Variants in PTPRM observed in about 807,000 individuals in gnomAD.
PTPRM encodes receptor-type tyrosine-protein phosphatase mu.
PTPRM carries 47 observed loss-of-function variants against 186.7 expected under a neutral mutation model. The ratio of observed to expected loss-of-function variants is 0.25; its 90% CI spans 0.20 to 0.32. The LOEUF (loss-of-function observed/expected upper bound fraction) is 0.32, where lower values mean the gene tolerates loss of function less well. Ranked by LOEUF, PTPRM falls within the 10% of genes least tolerant of loss-of-function variation. The probability of loss-of-function intolerance (pLI) is 1.00; values close to 1 mark genes in which losing one functional copy is unlikely to be tolerated. For synonymous variants in PTPRM, 668 were observed against 674.9 expected, an observed-to-expected ratio of 0.99 and a Z score of 0.16; for missense variants, 1,494 against 1,865.0, an observed-to-expected ratio of 0.80 and a Z score of 3.66.
At chr18:7,688,104 C>A (rs1419717458) in intron 1 of PTPRM, among the ~76,000 whole-genome samples, 1 of 152,108 alleles carries the variant, frequency 6.6e-6, no homozygotes, top group African/African-American at 2.4e-5. Flanking sequence ...AAAACATTCT[C>A]TAGTCGTGCC....
intron 24 of PTPRM, among the ~76,000 whole-genome samples, chr18:8,373,389 C>A (rs1384655345): frequency 6.6e-6 from 1 of 152,154 alleles, no homozygotes; most frequent in Non-Finnish European, 1.5e-5. Flanking sequence ...TGATTGTTGT[C>A]TTTTATTTCC....
chr18:8,232,033 A>C (rs1416967587), intron 14 of PTPRM, among the ~76,000 whole-genome samples: 1 of 152,206 alleles, frequency 6.6e-6, no homozygotes, highest in East Asian at 1.9e-4. Context: ...TCATATAAAT[A>C]AGATCACAGC....
intron 31 of PTPRM, among the ~76,000 whole-genome samples, chr18:8,393,547 A>G (rs1183554518): frequency 6.6e-6 from 1 of 152,216 alleles, no homozygotes; most frequent in Non-Finnish European, 1.5e-5. Flanking sequence ...TCGTGGAGGA[A>G]CTAGTAAGAT....
intron 11 of PTPRM, among the ~76,000 whole-genome samples, chr18:8,091,752 G>T (rs1041138766): frequency 6.6e-6 from 1 of 152,052 alleles, no homozygotes; most frequent in Non-Finnish European, 1.5e-5. Context: ...ACTAAATAGG[G>T]CATATTAAAA....
At chr18:8,201,549 G>C (rs1403361693) in intron 14 of PTPRM, among the ~76,000 whole-genome samples, 5 of 152,242 alleles carry the variant, frequency 3.3e-5, no homozygotes, top group Non-Finnish European at 5.9e-5. Flanking sequence ...GATAGACTGG[G>C]TGGCTTAAAC....
intron 13 of PTPRM, among the ~76,000 whole-genome samples, chr18:8,117,715 A>G (rs2092010213): frequency 6.6e-6 from 1 of 152,168 alleles, no homozygotes; most frequent in Non-Finnish European, 1.5e-5. Flanking sequence ...CAAGTTAACT[A>G]TAGGCAAACT....
chr18:7,661,971 G>A (rs1390583826), intron 1 of PTPRM, among the ~76,000 whole-genome samples: 2 of 152,172 alleles, frequency 1.3e-5, no homozygotes, highest in East Asian at 3.9e-4. Flanking sequence ...AGACTGGAAT[G>A]CAGTGGTACA....
chr18:7,923,738 CAGGGGAG>C (rs2051006042), intron 4 of PTPRM, among the ~76,000 whole-genome samples: 1 of 152,172 alleles, frequency 6.6e-6, no homozygotes, highest in East Asian at 1.9e-4. Flanking sequence ...AACTCCCTTA[CAGGGGAG>C]TTAATGGCAA....
At chr18:7,745,152 G>A (rs1424731013) in intron 1 of PTPRM, among the ~76,000 whole-genome samples, 1 of 152,120 alleles carries the variant, frequency 6.6e-6, no homozygotes, top group African/African-American at 2.4e-5. Context: ...TAGAGTTGTT[G>A]CAAGGGTTAA....
intron 1 of PTPRM, among the ~76,000 whole-genome samples, chr18:7,616,319 C>A (rs55793264): frequency 0.04 from 6,162 of 152,154 alleles, 175 homozygotes; most frequent in South Asian, 0.12. Flanking sequence ...CCACCACACC[C>A]TGCTAATTTT....
intron 1 of PTPRM, among the ~76,000 whole-genome samples, chr18:7,717,362 AG>A (rs146262385): frequency 0.021 from 3,213 of 152,262 alleles, 49 homozygotes; most frequent in Middle Eastern, 0.041. Flanking sequence ...GTAACTTCGA[AG>A]AAGAATCAGA....
chr18:7,704,242 G>A (rs1439193015), intron 1 of PTPRM, among the ~76,000 whole-genome samples: 1 of 152,200 alleles, frequency 6.6e-6, no homozygotes, highest in Non-Finnish European at 1.5e-5. Context: ...GTTCCAGAAG[G>A]AATGGTACCA....
At chr18:7,960,277 C>T (rs1173218365) in intron 7 of PTPRM, among the ~76,000 whole-genome samples, 1 of 151,778 alleles carries the variant, frequency 6.6e-6, no homozygotes, top group Non-Finnish European at 1.5e-5. Context: ...CATTAATATA[C>T]CTAAAAATAT....
At chr18:8,219,078 G>A (rs2094123226) in intron 14 of PTPRM, among the ~76,000 whole-genome samples, 1 of 152,194 alleles carries the variant, frequency 6.6e-6, no homozygotes, top group Admixed American at 6.5e-5. Context: ...TAGCTTCAGT[G>A]TTTATGCAAG....
intron 1 of PTPRM, among the ~76,000 whole-genome samples, chr18:7,591,739 G>A (rs1412072046): frequency 6.6e-6 from 1 of 152,132 alleles, no homozygotes; most frequent in Non-Finnish European, 1.5e-5. Context: ...AACAATTTCA[G>A]GAAATATAAT....
chr18:8,175,459 C>T (rs989793211), intron 14 of PTPRM, among the ~76,000 whole-genome samples: 4 of 152,064 alleles, frequency 2.6e-5, no homozygotes, highest in African/African-American at 9.7e-5. Flanking sequence ...TGTATAATTA[C>T]TTTGTTTTTA....
chr18:8,285,269 C>T (rs1473680681), intron 19 of PTPRM, among the ~76,000 whole-genome samples: 1 of 152,132 alleles, frequency 6.6e-6, no homozygotes, highest in Non-Finnish European at 1.5e-5. Flanking sequence ...AAAGCAAATT[C>T]AGTAACCTAC....
intron 2 of PTPRM, among the ~76,000 whole-genome samples, chr18:7,822,989 C>T (rs2045283653): frequency 1.3e-5 from 2 of 152,242 alleles, no homozygotes; most frequent in South Asian, 4.1e-4. Flanking sequence ...TGGCCTCTGC[C>T]CACTAGATGT....
intron 22 of PTPRM, among the ~76,000 whole-genome samples, chr18:8,327,038 G>A (rs1243413065): frequency 3.9e-5 from 6 of 152,140 alleles, no homozygotes; most frequent in Non-Finnish European, 8.8e-5. Context: ...GTAGTCTTAT[G>A]TAAACCCCTA....
Sources: gnomAD v4.1 joint callset for allele counts (sites outside exome capture counted in the v4.1 genomes callset) on GRCh38, gnomAD v4.1.1 for gene constraint, MANE v1.5 for transcripts, NCBI Gene and HGNC (gene_info 2026-07-23, HGNC 2026-07-21) for gene names.